The following SLA variants were observed in gnomAD, a reference collection of about 807,000 sequenced individuals.
SLA encodes src-like-adapter.
Under a neutral mutation model 30.3 loss-of-function variants are expected in SLA, and 16 were observed. That is an observed-to-expected ratio of 0.53 (90% CI 0.36 to 0.80). The LOEUF (loss-of-function observed/expected upper bound fraction) is 0.80, where lower values mean the gene tolerates loss of function less well. SLA is among the 30% of genes least tolerant of loss of function. SLA has a pLI of 0.01. For missense variants in SLA, 310 were observed against 345.2 expected (o/e 0.90, Z 0.81); for synonymous variants, 143 against 137.8 (o/e 1.04, Z -0.26).
At chr8:133,052,545 A>G (rs1479276432) in intron 3 of SLA, among the ~76,000 whole-genome samples, 1 of 152,226 alleles carries the variant, frequency 6.6e-6, no homozygotes, top group African/African-American at 2.4e-5. Context: ...GCTCCCTCAC[A>G]TTCTGCTTTG....
At position 133,049,910 on chromosome 8, in the gene SLA, A is replaced by T; in HGVS notation, c.240T>A (p.Val80=). ...TTGAGAAATGTACTCACCCATGGTAAACTCTGGCCACACATATTCCAGGGA... is the reference window on the plus strand; with the variant it reads ...TTGAGAAATGTACTCACCCATGGTATACTCTGGCCACACATATTCCAGGGA... The part of the protein sequence containing the change: ...SYIPGICVAR[V]YHGWLFEGLG... The change falls in exon 5 of 9, where the codon GTT becomes GTA. Residue 80 remains valine (V), a synonymous_variant. Transcript: ENST00000338087. 1 of 1,607,840 alleles carries T rather than the reference A, an allele frequency of 6.2e-7. No individual in the cohort carries two copies. The highest frequency in any genetic ancestry group is 8.5e-7 in the Non-Finnish European group (1 of 1,174,212).
In SLA at chr8:133,095,209, G is replaced by A. The variant is rs1184950384; in HGVS notation, c.-319+7344C>T. 1.2e-6 allele frequency: 2 copies of A among 1,614,190 alleles called. No individual in the cohort carries two copies. The highest frequency in any genetic ancestry group is 2.2e-5 in the South Asian group (2 of 91,082). On this transcript the variant is annotated intron_variant, in intron 1 of 8. Transcript: ENST00000338087. ...TGTCCTCAATGATGCCCAGACCAAGGTGAGCACTTAAGTGCAAGTTGGGAA... is the reference window on the plus strand; with the variant it reads ...TGTCCTCAATGATGCCCAGACCAAGATGAGCACTTAAGTGCAAGTTGGGAA...
intron 1 of SLA, among the ~76,000 whole-genome samples, chr8:133,088,648 C>A: frequency 6.6e-6 from 1 of 152,204 alleles, no homozygotes; most frequent in Middle Eastern, 3.2e-3. Context: ...AACACACACG[C>A]ACTTTTTATA....
chr8:133,093,904 T>C (rs1387583123), intron 1 of SLA, among the ~76,000 whole-genome samples: 1 of 152,154 alleles, frequency 6.6e-6, no homozygotes, highest in Non-Finnish European at 1.5e-5. Flanking sequence ...TGAGCTGAAA[T>C]AGGGAACCTC....
rs58739514 is a variant in SLA at position 133,042,678 on chromosome 8, CTTTTTTTTTTT to C, written c.484+2295_484+2305del. Among the ~76,000 whole-genome samples, 272 of 56,764 alleles carry C rather than the reference CTTTTTTTTTTT, an allele frequency of 4.8e-3. 3 individuals carry two copies. The highest frequency in any genetic ancestry group is 8.1e-3 in the African/African-American group (118 of 14,484). The allele number at this position is 56,764 out of a possible 152,430, so 37.2% of individuals were successfully genotyped here. A position where few individuals can be genotyped will look rare whatever the true frequency, so the allele number is the denominator to read the frequency against. ...GTGCACAATTCCTCTCATTCTGTGT[CTTTTTTTTTTT>C]TTTTTTTTTTTTTTTTTTTTGTGAG... On this transcript the variant is annotated intron_variant, in intron 7 of 8. Transcript: ENST00000338087.
At chr8:133,047,976 TC>T in intron 5 of SLA, 43 bp from the exon 6 acceptor site, 1 of 1,280,424 alleles carries the variant, frequency 7.8e-7, no homozygotes, top group Non-Finnish European at 1.1e-6. Context: ...GAACAAGCCC[TC>T]CCCCAGGAAA....
intron 2 of SLA, chr8:133,060,476 G>T (rs1842212440): frequency 2.0e-6 from 2 of 1,005,238 alleles, no homozygotes; most frequent in South Asian, 1.6e-5. Flanking sequence ...CCTTGCTGAG[G>T]ATGGTAAGCA....
At chr8:133,098,458 A>C (rs1252479947) in intron 1 of SLA, among the ~76,000 whole-genome samples, 1 of 152,170 alleles carries the variant, frequency 6.6e-6, no homozygotes, top group Non-Finnish European at 1.5e-5. Context: ...ACTGGGATGG[A>C]GCTGGCCATT....
chr8:133,099,094 G>A (rs147912945), intron 1 of SLA, among the ~76,000 whole-genome samples: 1 of 152,332 alleles, frequency 6.6e-6, no homozygotes, highest in African/African-American at 2.4e-5. Flanking sequence ...ACCAGCAGGA[G>A]GCTCACTGCC....
chr8:133,049,734 G>A (rs887579947), intron 5 of SLA, 168 bp downstream of exon 5: 4 of 615,874 alleles, frequency 6.5e-6, no homozygotes, highest in Non-Finnish European at 8.8e-6. Flanking sequence ...GAAGAGATAA[G>A]TTAGCCCAAG....
intron 1 of SLA, chr8:133,096,176 G>A: frequency 6.2e-7 from 1 of 1,613,738 alleles, no homozygotes; most frequent in Non-Finnish European, 8.5e-7. Context: ...ATTATTCCAG[G>A]ACAACTGATT....
Position 133,038,580 on chromosome 8 carries a change from C to A in SLA, c.775G>T (p.Gly259Cys). The change falls in exon 9 of 9, where the codon GGT becomes TGT. Residue 259 changes from glycine (G) to cysteine (C), a missense_variant. By Grantham distance (159) the Gly-to-Cys change is radical. Transcript: ENST00000338087. ...RKKKSISLMY[G>C]GSKRKSSFFS... Reference sequence around the variant, plus strand: ...AATGAGCTCTTTCTCTTGCTGCCACCATACATCAGGGAGATGCTTTTCTTC... The same window carrying A: ...AATGAGCTCTTTCTCTTGCTGCCACAATACATCAGGGAGATGCTTTTCTTC... 6.2e-7 allele frequency: 1 copy of A among 1,614,154 alleles called. No individual in the cohort carries two copies. The highest frequency in any genetic ancestry group is 1.6e-4 in the Middle Eastern group (1 of 6,062).
At chr8:133,060,334 A>G (rs1275695097) in intron 2 of SLA, 134 bp from the exon 3 acceptor site, 1 of 1,552,410 alleles carries the variant, frequency 6.4e-7, no homozygotes, top group African/African-American at 1.4e-5. Context: ...TTTATATGTG[A>G]AGATGAGATT....
At chr8:133,074,726 A>G (rs953041102) in intron 2 of SLA, 127 bp downstream of exon 2, 1 of 400,036 alleles carries the variant, frequency 2.5e-6, no homozygotes. Flanking sequence ...GCTTCTCTCA[A>G]GACATTGCCC....
At chr8:133,057,905 T>C (rs1841751572) in intron 3 of SLA, among the ~76,000 whole-genome samples, 1 of 152,190 alleles carries the variant, frequency 6.6e-6, no homozygotes, top group Admixed American at 6.5e-5. Context: ...GGCTGGCCTC[T>C]GGGTGATCCT....
chr8:133,042,957 G>T (rs1381253371), intron 7 of SLA, among the ~76,000 whole-genome samples: 1 of 148,942 alleles, frequency 6.7e-6, no homozygotes, highest in Non-Finnish European at 1.5e-5. Flanking sequence ...GCCTCCCAAA[G>T]TGCTGGAATT....
At position 133,049,858 on chromosome 8, in the gene SLA, A is replaced by G. The variant is rs772547786; in HGVS notation, c.248+44T>C. ...TTGTTCCACCTTATGAGTCACCAGC[A>G]TACGCATCATGCTTAATTGCTGCCA... On this transcript the variant is annotated intron_variant, in intron 5 of 8. Coordinates refer to ENST00000338087, the MANE Select transcript of SLA (RefSeq NM_001045556.3). 1.6e-5 allele frequency: 20 copies of G among 1,212,992 alleles called. No individual in the cohort carries two copies. The African/African-American group carries it at 2.4e-4, about 14-fold the overall frequency. The allele number at this position is 1,212,992 out of a possible 1,614,324, so 75.1% of individuals were successfully genotyped here.
chr8:133,070,027 GAA>G lies in SLA; in HGVS notation c.-41+4824_-41+4825del. 3.5e-5 allele frequency among the ~76,000 whole-genome samples: 2 copies of G among 57,056 alleles called. 1 individual carries two copies. Among genetic ancestry groups the G allele is most frequent in the Admixed American group, 3.9e-4 (2 of 5,070 alleles). 37.4% of individuals were successfully genotyped at this position (57,056 alleles called of 152,430 possible). On this transcript the variant is annotated intron_variant, in intron 2 of 8. Transcript: ENST00000338087. ...AAAAAAAAAAAAAAAAAAAAAAAAA[GAA>G]AGAAAGAAAGAAAAGAAAAGAAGAA...
intron 1 of SLA, chr8:133,094,952 A>G (rs995987335): frequency 2.5e-6 from 4 of 1,574,438 alleles, no homozygotes; most frequent in Non-Finnish European, 3.5e-6. Flanking sequence ...TGGAGGAAGG[A>G]TGCAGAACCC....
Sources: allele counts gnomAD v4.1 joint callset (sites outside exome capture counted in the v4.1 genomes callset), GRCh38; gene constraint gnomAD v4.1.1; transcripts MANE v1.5; gene names NCBI Gene and HGNC (gene_info 2026-07-23, HGNC 2026-07-21).